The following MYLK variants were observed in gnomAD, a reference collection of about 807,000 sequenced individuals.
MYLK encodes the protein myosin light chain kinase, smooth muscle.
Under a neutral mutation model 203.4 loss-of-function variants are expected in MYLK, and 106 were observed. That is an observed-to-expected ratio of 0.52 (90% CI 0.45 to 0.61). The LOEUF (loss-of-function observed/expected upper bound fraction) is 0.61. Ranked by LOEUF, MYLK falls within the 20% of genes least tolerant of loss-of-function variation. MYLK has a pLI of 0.00. For synonymous variants in MYLK, 867 were observed against 959.5 expected (o/e 0.90, Z 1.78); for missense variants, 2,072 against 2,442.3 (o/e 0.85, Z 3.20).
chr3:123,822,951 A>G (rs575886251), intron 3 of MYLK, among the ~76,000 whole-genome samples: 1 of 152,296 alleles, frequency 6.6e-6, no homozygotes, highest in African/African-American at 2.4e-5. Context: ...GAAGAAAGAA[A>G]TCATCCCTGG....
In MYLK at chr3:123,632,945, G is replaced by A. The variant is rs927714046; in HGVS notation, c.4962-3319C>T. Among the ~76,000 whole-genome samples the A allele has an allele frequency of 5.9e-5, 9 of 151,446 alleles. No homozygotes were observed. In the South Asian group the frequency reaches 6.3e-4, roughly 11 times the overall value. ...TGAGTAGCTGGAACCACAGGTGCGCGCCAACACACCTGGCTAATTTTTTGT... is the reference window on the plus strand; with the variant it reads ...TGAGTAGCTGGAACCACAGGTGCGCACCAACACACCTGGCTAATTTTTTGT... On this transcript the variant is annotated intron_variant, in intron 29 of 33. Transcript: ENST00000360304.
chr3:123,666,157 G>A (rs944196940), intron 22 of MYLK, 62 bp downstream of exon 22: 33 of 1,613,192 alleles, frequency 2.0e-5, no homozygotes, highest in Middle Eastern at 1.6e-4. Context: ...CATCCCTTTC[G>A]GTCCAAAGGC....
chr3:123,679,072 G>T (rs1417090731), intron 20 of MYLK, among the ~76,000 whole-genome samples: 2 of 152,162 alleles, frequency 1.3e-5, no homozygotes, highest in Non-Finnish European at 2.9e-5. Context: ...ACTTTGGGAG[G>T]CTGAGGCGGG....
chr3:123,663,996 AGTG>A lies in MYLK; in HGVS notation c.3985+106_3985+108del, dbSNP rs2059652284. On this transcript the variant is annotated intron_variant, in intron 23 of 33. Coordinates refer to ENST00000360304, the MANE Select transcript of MYLK (RefSeq NM_053025.4). ...TGGTGCCTTATAAATCAGGCACAGG[AGTG>A]GTGAGAGATAATGGGTGATGAAGTC... 6.1e-6 allele frequency: 9 copies of A among 1,468,698 alleles called. No homozygotes were observed. In the East Asian group the frequency reaches 2.0e-4, roughly 33 times the overall value. 91.0% of individuals were successfully genotyped at this position (1,468,698 alleles called of 1,614,324 possible).
intron 23 of MYLK, among the ~76,000 whole-genome samples, chr3:123,660,303 T>C: frequency 6.6e-6 from 1 of 152,336 alleles, no homozygotes. Flanking sequence ...AGCATTAAGA[T>C]GGGAAATCAT....
rs368229473 is a variant in MYLK, at chr3:123,700,532, G to C, written c.2936C>G (p.Pro979Arg). Residue 979 changes from proline (P) to arginine (R), a missense_variant, in exon 18 of 34, where the codon CCG becomes CGG. Pro to Arg is a moderately radical substitution (Grantham distance 103). Around this residue, in one of 3 missense-constraint regions of MYLK, gnomAD observed 865 missense variants for 1,016.0 expected, o/e 0.85. Transcript: ENST00000360304. ...GCCACCCAGCACTGAGCGAAAATCC[G>C]GGGTGGCAGGTTTTGGCGGTGGCAC... ...EKVPPPKPAT[P>R]DFRSVLGGKK... The C allele has an allele frequency of 1.2e-6, 2 of 1,613,366 alleles. No individual in the cohort carries two copies. The highest frequency in any genetic ancestry group is 1.7e-6 in the Non-Finnish European group (2 of 1,179,640).
chr3:123,723,676 C>T (rs543523610), intron 12 of MYLK, among the ~76,000 whole-genome samples: 1 of 152,304 alleles, frequency 6.6e-6, no homozygotes, highest in African/African-American at 2.4e-5. Context: ...AGACATTAGG[C>T]TCTCCCAGCT....
At chr3:123,724,139 C>CTTTTTTTTTTTT (rs5852359) in intron 12 of MYLK, among the ~76,000 whole-genome samples, 1 of 80,850 alleles carries the variant, frequency 1.2e-5, no homozygotes, top group Non-Finnish European at 2.1e-5. Flanking sequence ...CTAAGTTTTG[C>CTTTTTTTTTTTT]TTTTTTTTTT....
At chr3:123,824,855 C>T (rs142275610) in intron 3 of MYLK, among the ~76,000 whole-genome samples, 238 of 152,152 alleles carry the variant, frequency 1.6e-3, no homozygotes, top group Non-Finnish European at 2.6e-3. Flanking sequence ...ATTAAAAACA[C>T]GGAATTCATA....
chr3:123,710,120 C>G (rs1431758478), intron 13 of MYLK, among the ~76,000 whole-genome samples: 1 of 152,086 alleles, frequency 6.6e-6, no homozygotes, highest in Non-Finnish European at 1.5e-5. Flanking sequence ...CAGGAATGAA[C>G]AATGAGTTCT....
At chr3:123,803,134 T>C (rs112764804) in intron 3 of MYLK, among the ~76,000 whole-genome samples, 33 of 152,244 alleles carry the variant, frequency 2.2e-4, no homozygotes, top group African/African-American at 7.7e-4. Flanking sequence ...CTTGAGGCAA[T>C]TGACAATCTC....
chr3:123,692,859 GGAA>G lies in MYLK; in HGVS notation c.3449-11_3449-9del, dbSNP rs952172362. 17 of 1,611,012 alleles carry G rather than the reference GGAA, an allele frequency of 1.1e-5. No individual in the cohort carries two copies. The highest frequency in any genetic ancestry group is 1.3e-5 in the African/African-American group (1 of 74,880). ...AGACGGAGCAGAGTGAGCCTGGGGA[GGAA>G]GAATTGTGGAGTGAACCAGGTGTGG... is the stretch of plus-strand genomic sequence containing the variant. On this transcript the variant is annotated splice_polypyrimidine_tract_variant and intron_variant, in intron 18 of 33. Transcript: ENST00000360304.
intron 24 of MYLK, among the ~76,000 whole-genome samples, chr3:123,653,986 TTGTG>T (rs752791805): frequency 0.035 from 4,766 of 137,682 alleles, 121 homozygotes; most frequent in African/African-American, 0.071. Flanking sequence ...CAGAGGGATG[TTGTG>T]TGTGTGTGTG....
Position 123,684,049 on chromosome 3 carries a change from TG to T in MYLK, c.3566-1740del, listed in dbSNP as rs2060363774. Among the ~76,000 whole-genome samples, 5 of 152,244 alleles carry T rather than the reference TG, an allele frequency of 3.3e-5. No homozygotes were observed. In the South Asian group the frequency reaches 1.0e-3, roughly 32 times the overall value. On this transcript the variant is annotated intron_variant, in intron 19 of 33. Transcript: ENST00000360304. ...GAGGACACAGAGAAGCAGAAAGCCA[TG>T]GGGCAGGGATGATTTCATTTTCTTA...
At chr3:123,756,478 C>T (rs908039195) in intron 4 of MYLK, among the ~76,000 whole-genome samples, 3 of 152,118 alleles carry the variant, frequency 2.0e-5, no homozygotes, top group Non-Finnish European at 2.9e-5. Context: ...GCTTGGTGTC[C>T]TAGCTTTCTT....
intron 18 of MYLK, among the ~76,000 whole-genome samples, chr3:123,697,261 G>A (rs1456810733): frequency 1.3e-5 from 2 of 152,286 alleles, no homozygotes; most frequent in South Asian, 4.1e-4. Context: ...AAGTCTTGGC[G>A]AGTGAAGGGA....
chr3:123,621,853 C>T (rs2057878177), intron 31 of MYLK: 1 of 152,496 alleles, frequency 6.6e-6, no homozygotes, highest in Non-Finnish European at 1.5e-5. Flanking sequence ...TCCACGCAGC[C>T]CCAGGTGGAG....
chr3:123,614,361 G>A lies in MYLK; in HGVS notation c.5501-12C>T, dbSNP rs1317620594. 2.5e-6 allele frequency: 4 copies of A among 1,613,982 alleles called. No individual in the cohort carries two copies. Among genetic ancestry groups the A allele is most frequent in the Non-Finnish European group, 3.4e-6 (4 of 1,180,032 alleles). Reference sequence around the variant, plus strand: ...GGGGTCTGGGTATCCTGCATCACAGGGAGAGAACACAAGTTGCAGGAACTG... The same window carrying A: ...GGGGTCTGGGTATCCTGCATCACAGAGAGAGAACACAAGTTGCAGGAACTG... On this transcript the variant is annotated splice_polypyrimidine_tract_variant and intron_variant, in intron 33 of 33. Transcript: ENST00000360304.
At chr3:123,690,975 A>AC (rs1330149410) in intron 19 of MYLK, among the ~76,000 whole-genome samples, 1 of 152,202 alleles carries the variant, frequency 6.6e-6, no homozygotes, top group Non-Finnish European at 1.5e-5. Flanking sequence ...TTAAAAAAAA[A>AC]ATCCCCAAGT....
Sources: gnomAD v4.1 joint callset for allele counts (sites outside exome capture counted in the v4.1 genomes callset) on GRCh38, gnomAD v4.1.1 for gene constraint, gnomAD v4.1.1 regional missense constraint, MANE v1.5 for transcripts, NCBI Gene and HGNC (gene_info 2026-07-23, HGNC 2026-07-21) for gene names.